The following CADPS variants were observed in gnomAD, a reference collection of about 807,000 sequenced individuals.
CADPS encodes the protein calcium dependent secretion activator, also known as calcium-dependent secretion activator 1.
Under a neutral mutation model 167.3 loss-of-function variants are expected in CADPS, and 57 were observed. That is an observed-to-expected ratio of 0.34 (90% CI 0.28 to 0.42). The LOEUF (loss-of-function observed/expected upper bound fraction) is 0.42, where lower values mean the gene tolerates loss of function less well. Ranked by LOEUF, CADPS falls within the 20% of genes least tolerant of loss-of-function variation. The probability of loss-of-function intolerance (pLI) is 1.00; values close to 1 mark genes in which losing one functional copy is unlikely to be tolerated. For synonymous variants in CADPS, 676 were observed against 635.3 expected (o/e 1.06, Z -0.96); for missense variants, 1,414 against 1,738.1 (o/e 0.81, Z 3.32).
chr3:62,748,465 A>G (rs1448000871), intron 3 of CADPS, among the ~76,000 whole-genome samples: 1 of 151,922 alleles, frequency 6.6e-6, no homozygotes, highest in Non-Finnish European at 1.5e-5. Flanking sequence ...ATAGTTAAGG[A>G]TAACTTATAA....
chr3:62,411,809 A>AG (rs2049014529), intron 28 of CADPS, among the ~76,000 whole-genome samples: 1 of 152,230 alleles, frequency 6.6e-6, no homozygotes. Flanking sequence ...GCAAGTTTCC[A>AG]GATTTGTCAA....
chr3:62,793,816 G>A (rs1308360339), intron 1 of CADPS, among the ~76,000 whole-genome samples: 2 of 152,162 alleles, frequency 1.3e-5, no homozygotes, highest in African/African-American at 2.4e-5. Context: ...TTTGTTTGAT[G>A]ATTTTGTTCC....
At chr3:62,847,292 TTA>T (rs2077646160) in intron 1 of CADPS, among the ~76,000 whole-genome samples, 1 of 148,938 alleles carries the variant, frequency 6.7e-6, no homozygotes, top group African/African-American at 2.5e-5. Flanking sequence ...TTTTTTTTTT[TTA>T]TACTTTAAGT....
intron 1 of CADPS, among the ~76,000 whole-genome samples, chr3:62,843,768 T>C (rs941327924): frequency 6.6e-6 from 1 of 152,102 alleles, no homozygotes; most frequent in Admixed American, 6.5e-5. Flanking sequence ...ACTTCTGCTT[T>C]ATCCCATTGA....
At chr3:62,527,907 C>G (rs2072698880) in intron 13 of CADPS, among the ~76,000 whole-genome samples, 1 of 152,194 alleles carries the variant, frequency 6.6e-6, no homozygotes, top group Admixed American at 6.5e-5. Context: ...AACATCTCCA[C>G]ATCCAAATGC....
intron 28 of CADPS, chr3:62,404,947 C>T (rs1242738977): frequency 6.6e-6 from 1 of 151,906 alleles, no homozygotes; most frequent in Non-Finnish European, 1.5e-5. Context: ...TTGGCACCTC[C>T]TGCCTTGGGA....
intron 10 of CADPS, among the ~76,000 whole-genome samples, chr3:62,550,396 A>G (rs1241178343): frequency 2.0e-5 from 3 of 152,012 alleles, no homozygotes; most frequent in East Asian, 3.9e-4. Context: ...CTATAAACAT[A>G]CTATTTTCTC....
intron 3 of CADPS, among the ~76,000 whole-genome samples, chr3:62,665,247 T>G (rs1279887518): frequency 1.3e-5 from 2 of 152,208 alleles, no homozygotes; most frequent in East Asian, 3.9e-4. Context: ...TAATCAAGAC[T>G]TGGAGAAATT....
At chr3:62,756,015 A>T (rs2083803625) in intron 2 of CADPS, among the ~76,000 whole-genome samples, 1 of 151,700 alleles carries the variant, frequency 6.6e-6, no homozygotes, top group South Asian at 2.1e-4. Flanking sequence ...ACCTTGAGTA[A>T]ATCATCTCCC....
intron 21 of CADPS, among the ~76,000 whole-genome samples, chr3:62,486,237 G>C (rs1039276815): frequency 1.3e-5 from 2 of 152,128 alleles, no homozygotes; most frequent in Non-Finnish European, 2.9e-5. Context: ...ACGAGGTCAG[G>C]AGATCGAGAC....
intron 14 of CADPS, 75 bp downstream of exon 14, chr3:62,518,074 T>G: frequency 1.0e-6 from 1 of 965,188 alleles, no homozygotes; most frequent in East Asian, 2.4e-5. Flanking sequence ...TTTACAGTTT[T>G]GGAAAATTAA....
rs769916132 is a variant in CADPS, at chr3:62,478,449, C to T, written c.3174-33G>A. On this transcript the variant is annotated intron_variant, in intron 22 of 29. Coordinates refer to ENST00000383710, the MANE Select transcript of CADPS (RefSeq NM_003716.4). This position sits in a 1 kb window ranked among gnomAD's most constrained non-coding sequence, Gnocchi z 5.7. ...GACAAAAATTAGAAAATGAGAGTCACCCACTGGCCTCAGGCTCTACAAAAA... is the reference window on the plus strand; with the variant it reads ...GACAAAAATTAGAAAATGAGAGTCATCCACTGGCCTCAGGCTCTACAAAAA... 6 of 1,596,472 alleles carry T rather than the reference C, an allele frequency of 3.8e-6. No homozygotes were observed. In the South Asian group the frequency reaches 5.6e-5, roughly 15 times the overall value.
intron 28 of CADPS, among the ~76,000 whole-genome samples, chr3:62,410,552 G>A (rs561896661): frequency 6.6e-6 from 1 of 152,198 alleles, no homozygotes; most frequent in African/African-American, 2.4e-5. Flanking sequence ...GAAAATGCAC[G>A]TGACTCAGAC....
intron 9 of CADPS, among the ~76,000 whole-genome samples, chr3:62,557,959 C>G (rs140628850): frequency 1.9e-4 from 29 of 152,294 alleles, no homozygotes; most frequent in African/African-American, 7.0e-4. Context: ...CTGCCATGCT[C>G]GCAGATACAA....
intron 3 of CADPS, among the ~76,000 whole-genome samples, chr3:62,667,630 A>G (rs538255224): frequency 6.6e-6 from 1 of 151,770 alleles, no homozygotes; most frequent in African/African-American, 2.4e-5. Flanking sequence ...TTCTGGAGAC[A>G]CACAACACAC....
intron 1 of CADPS, among the ~76,000 whole-genome samples, chr3:62,841,486 T>G (rs1383170448): frequency 6.6e-6 from 1 of 151,984 alleles, no homozygotes; most frequent in Non-Finnish European, 1.5e-5. Flanking sequence ...GAGGCTAAGG[T>G]GGGTGGATCA....
intron 29 of CADPS, among the ~76,000 whole-genome samples, chr3:62,400,597 T>TTTTC (rs374226223): frequency 0.66 from 88,599 of 133,602 alleles, 29,437 homozygotes; most frequent in Admixed American, 0.71. Flanking sequence ...TTCTTTTTTT[T>TTTTC]TTTCTTTTTT....
intron 8 of CADPS, among the ~76,000 whole-genome samples, chr3:62,579,043 C>T (rs554792353): frequency 6.6e-6 from 1 of 152,212 alleles, no homozygotes; most frequent in South Asian, 2.1e-4. Flanking sequence ...AGAAGATAGC[C>T]AAGTGTTACA....
At position 62,656,464 on chromosome 3, in the gene CADPS, C is replaced by T. The variant is rs149082067; in HGVS notation, c.970-5384G>A. ...TACTAGAGTTAAACTTGAAACCTAG[C>T]AGAGTTTTTGTTCTTAGCTATGATA... On this transcript the variant is annotated intron_variant, in intron 4 of 29. Coordinates refer to ENST00000383710, the MANE Select transcript of CADPS (RefSeq NM_003716.4). Among the ~76,000 whole-genome samples, 140 of 152,242 alleles carry T rather than the reference C, an allele frequency of 9.2e-4. 1 individual carries two copies. Among genetic ancestry groups the T allele is most frequent in the African/African-American group, 3.2e-3 (133 of 41,558 alleles).
Sources: gnomAD v4.1 joint callset for allele counts (sites outside exome capture counted in the v4.1 genomes callset) on GRCh38, gnomAD v4.1.1 for gene constraint, Gnocchi (gnomAD v3.1) non-coding constraint, MANE v1.5 for transcripts, NCBI Gene and HGNC (gene_info 2026-07-23, HGNC 2026-07-21) for gene names.